Variants in ADGRB3 observed in about 807,000 individuals in gnomAD.
ADGRB3 encodes the protein adhesion G protein-coupled receptor B3.
In ADGRB3, 37 loss-of-function variants were observed where a neutral mutation model predicts 193.4. The ratio of observed to expected loss-of-function variants is 0.19; its 90% CI spans 0.15 to 0.25. The LOEUF (loss-of-function observed/expected upper bound fraction) is 0.25. Among genes scored for constraint, ADGRB3 ranks in the 10% least tolerant of loss-of-function variants. The pLI is 1.00. For missense variants in ADGRB3, 1,637 were observed against 1,852.9 expected (o/e 0.88, Z 2.14); for synonymous variants, 690 against 644.2 (o/e 1.07, Z -1.08).
intron 3 of ADGRB3, among the ~76,000 whole-genome samples, chr6:68,736,117 TC>T (rs1765866067): frequency 6.6e-6 from 1 of 151,662 alleles, no homozygotes; most frequent in Non-Finnish European, 1.5e-5. Flanking sequence ...GCTCAGGAGA[TC>T]CCTCCTGCTT....
intron 17 of ADGRB3, among the ~76,000 whole-genome samples, chr6:69,102,323 G>A (rs1773082772): frequency 6.6e-6 from 1 of 152,088 alleles, no homozygotes; most frequent in Non-Finnish European, 1.5e-5. Flanking sequence ...CACATTTTCT[G>A]AAATTTTTAT....
At chr6:68,792,982 T>C (rs1767137605) in intron 3 of ADGRB3, among the ~76,000 whole-genome samples, 1 of 152,304 alleles carries the variant, frequency 6.6e-6, no homozygotes, top group African/African-American at 2.4e-5. Flanking sequence ...TTACTGTTTG[T>C]TTGTCTGTTT....
Position 68,680,213 on chromosome 6 carries a change from C to T in ADGRB3, c.757+40781C>T, listed in dbSNP as rs184054336. On this transcript the variant is annotated intron_variant, in intron 3 of 31. Transcript: ENST00000370598. ...GTGATATTTGTTATGGTAGCCTTAA[C>T]GGACTAAGACACAAGTATATTGTTG... 4.2e-4 allele frequency among the ~76,000 whole-genome samples: 63 copies of T among 150,910 alleles called. No individual in the cohort carries two copies. In the East Asian group the frequency reaches 7.0e-3, roughly 17 times the overall value.
chr6:68,917,901 G>T (rs1341065831), intron 3 of ADGRB3, among the ~76,000 whole-genome samples: 1 of 152,108 alleles, frequency 6.6e-6, no homozygotes, highest in East Asian at 1.9e-4. Context: ...ATCTTACAAT[G>T]TTGACTCATT....
At chr6:69,253,897 A>AT (rs1449836033) in intron 20 of ADGRB3, among the ~76,000 whole-genome samples, 4 of 152,042 alleles carry the variant, frequency 2.6e-5, no homozygotes, top group African/African-American at 4.8e-5. Flanking sequence ...CTCATGAGCC[A>AT]TTTTTTTCTT....
chr6:69,129,405 G>A (rs1297608515), intron 17 of ADGRB3, among the ~76,000 whole-genome samples: 1 of 151,912 alleles, frequency 6.6e-6, no homozygotes, highest in Non-Finnish European at 1.5e-5. Context: ...AGAAAGAATA[G>A]GAATTAAGAT....
intron 13 of ADGRB3, among the ~76,000 whole-genome samples, chr6:69,026,187 C>T (rs906495140): frequency 8.5e-5 from 13 of 152,200 alleles, no homozygotes; most frequent in African/African-American, 2.7e-4. Flanking sequence ...TGCCATCAAA[C>T]ATGCCCAGTG....
intron 3 of ADGRB3, among the ~76,000 whole-genome samples, chr6:68,760,819 A>G (rs1232225738): frequency 1.3e-5 from 2 of 152,202 alleles, no homozygotes; most frequent in Non-Finnish European, 2.9e-5. Flanking sequence ...CCACCACAGG[A>G]CACTATAATA....
At chr6:69,080,337 T>G (rs534579999) in intron 17 of ADGRB3, among the ~76,000 whole-genome samples, 1 of 152,108 alleles carries the variant, frequency 6.6e-6, no homozygotes, top group East Asian at 1.9e-4. Flanking sequence ...ATACAAAGTG[T>G]TACTATTATT....
chr6:69,280,036 G>A (rs1767401605), intron 20 of ADGRB3, among the ~76,000 whole-genome samples: 1 of 152,194 alleles, frequency 6.6e-6, no homozygotes, highest in Non-Finnish European at 1.5e-5. Context: ...GGGCTCCCTA[G>A]TCATCGGCAG....
chr6:68,936,211 A>C (rs1319606784), intron 4 of ADGRB3, among the ~76,000 whole-genome samples: 10 of 152,310 alleles, frequency 6.6e-5, no homozygotes, highest in Admixed American at 2.6e-4. Flanking sequence ...TAATTTGAAG[A>C]GAATCACCTC....
rs554633667 is a variant in ADGRB3 at position 69,064,291 on chromosome 6, CTAAA to C, written c.2436+1258_2436+1261del. 2.0e-5 allele frequency among the ~76,000 whole-genome samples: 3 copies of C among 151,704 alleles called. No individual in the cohort carries two copies. The South Asian group carries it at 6.2e-4, about 31-fold the overall frequency. ...TTAAACTATTTAACTTTAAACTATT[CTAAA>C]TAGTTTAACTATTTAAACTATTTAA... On this transcript the variant is annotated intron_variant, in intron 16 of 31. Coordinates refer to ENST00000370598, the MANE Select transcript of ADGRB3 (RefSeq NM_001704.3).
At chr6:69,121,632 G>A (rs563280979) in intron 17 of ADGRB3, among the ~76,000 whole-genome samples, 5 of 150,062 alleles carry the variant, frequency 3.3e-5, no homozygotes, top group Non-Finnish European at 4.4e-5. Flanking sequence ...ATGGGGCAGC[G>A]GGACAGAGGC....
At chr6:68,765,786 A>C (rs1381865533) in intron 3 of ADGRB3, among the ~76,000 whole-genome samples, 2 of 152,048 alleles carry the variant, frequency 1.3e-5, no homozygotes, top group African/African-American at 4.8e-5. Context: ...CTATAGTATG[A>C]AATAGTGTGT....
intron 3 of ADGRB3, among the ~76,000 whole-genome samples, chr6:68,875,777 G>T (rs1765579434): frequency 6.6e-6 from 1 of 151,952 alleles, no homozygotes; most frequent in Non-Finnish European, 1.5e-5. Context: ...AATAATTTTG[G>T]TGTTAAGAAG....
chr6:69,256,266 G>A (rs1766768486), intron 20 of ADGRB3, among the ~76,000 whole-genome samples: 1 of 151,854 alleles, frequency 6.6e-6, no homozygotes, highest in Non-Finnish European at 1.5e-5. Context: ...TGATGGGGAT[G>A]GCATTGAATC....
At chr6:68,928,913 T>C (rs1192220213) in intron 3 of ADGRB3, among the ~76,000 whole-genome samples, 1 of 152,216 alleles carries the variant, frequency 6.6e-6, no homozygotes, top group East Asian at 1.9e-4. Flanking sequence ...CTATTTCATA[T>C]CCAGAAACAT....
intron 3 of ADGRB3, among the ~76,000 whole-genome samples, chr6:68,897,003 A>C (rs1334062571): frequency 6.6e-6 from 1 of 152,132 alleles, no homozygotes; most frequent in Non-Finnish European, 1.5e-5. Flanking sequence ...TTACAAGATC[A>C]ATCTTAGACT....
At chr6:68,655,248 C>G (rs775371799) in intron 3 of ADGRB3, among the ~76,000 whole-genome samples, 42 of 151,566 alleles carry the variant, frequency 2.8e-4, no homozygotes, top group Non-Finnish European at 5.3e-4. Context: ...ATTTCCAGCT[C>G]TGTGGCATTG....
Sources: gnomAD v4.1 joint callset for allele counts (sites outside exome capture counted in the v4.1 genomes callset) on GRCh38, gnomAD v4.1.1 for gene constraint, MANE v1.5 for transcripts, NCBI Gene and HGNC (gene_info 2026-07-23, HGNC 2026-07-21) for gene names.